The following DCDC1 variants were observed in gnomAD, a reference collection of about 807,000 sequenced individuals.
DCDC1 encodes the protein doublecortin domain containing 1, also known as doublecortin domain-containing protein 1.
In DCDC1, 200 loss-of-function variants were observed where a neutral mutation model predicts 178.3. The ratio of observed to expected loss-of-function variants is 1.12; its 90% CI spans 1.00 to 1.26. The LOEUF is 1.26. Among genes scored for constraint, DCDC1 ranks in the 50% most tolerant of loss-of-function variants. The pLI, the probability that DCDC1 is intolerant of heterozygous loss-of-function variation, is 0.00. For synonymous variants in DCDC1, 690 were observed against 604.8 expected, an observed-to-expected ratio of 1.14 and a Z score of -2.07; for missense variants, 1,983 against 1,749.2, an observed-to-expected ratio of 1.13 and a Z score of -2.38.
chr11:31,165,261 T>C (rs1184655978), intron 9 of DCDC1, among the ~76,000 whole-genome samples: 1 of 152,170 alleles, frequency 6.6e-6, no homozygotes, highest in African/African-American at 2.4e-5. Context: ...ATGTAAGCAA[T>C]TTCTTTGAGC....
At position 31,251,658 on chromosome 11, in the gene DCDC1, C is replaced by G. The variant is rs147539312; in HGVS notation, c.1055-10042G>C. On this transcript the variant is annotated intron_variant, in intron 8 of 38. Transcript: ENST00000684477. ...GAGACACTATAAATAGATTCTGTTT[C>G]TATGGATAACCCTAAGAAATACACC... 5.6e-4 allele frequency among the ~76,000 whole-genome samples: 85 copies of G among 152,000 alleles called. 1 individual carries two copies. The highest frequency in any genetic ancestry group is 1.8e-3 in the African/African-American group (74 of 41,442).
At chr11:30,894,052 AC>A (rs1944003584) in intron 35 of DCDC1, among the ~76,000 whole-genome samples, 195 bp downstream of exon 35, 1 of 152,112 alleles carries the variant, frequency 6.6e-6, no homozygotes, top group South Asian at 2.1e-4. Flanking sequence ...AACAAAACAG[AC>A]CCTCATATGA....
intron 9 of DCDC1, among the ~76,000 whole-genome samples, chr11:31,224,517 T>C (rs1170526702): frequency 6.6e-6 from 1 of 151,962 alleles, no homozygotes; most frequent in African/African-American, 2.4e-5. Context: ...AGGATCTAAT[T>C]AAACTAAAAA....
At position 31,094,077 on chromosome 11, in the gene DCDC1, A is replaced by G. The variant is rs1347372031; in HGVS notation, c.2091T>C (p.Pro697=). Residue 697 remains proline (P), a synonymous_variant, in exon 16 of 39, where the codon CCT becomes CCC. Transcript: ENST00000684477. ...RSQIAPSILW[P]VASVWLITKT... Reference sequence around the variant, plus strand: ...TGGTGATCAGCCACACACTGGCTACAGGCCACAGGATCGATGGCGCTATTT... The same window carrying G: ...TGGTGATCAGCCACACACTGGCTACGGGCCACAGGATCGATGGCGCTATTT... The G allele has an allele frequency of 1.3e-6, 1 of 766,278 alleles. No individual in the cohort carries two copies. The highest frequency in any genetic ancestry group is 2.4e-6 in the Non-Finnish European group (1 of 417,806). 47.5% of individuals were successfully genotyped at this position (766,278 alleles called of 1,614,324 possible).
chr11:30,935,005 T>A (rs1189219419), intron 21 of DCDC1, among the ~76,000 whole-genome samples: 2 of 152,100 alleles, frequency 1.3e-5, no homozygotes, highest in African/African-American at 4.8e-5. Context: ...CAAATCACCC[T>A]AGGGGGTAAA....
intron 22 of DCDC1, among the ~76,000 whole-genome samples, chr11:30,930,697 T>G (rs1187339535): frequency 2.6e-5 from 4 of 152,130 alleles, no homozygotes; most frequent in Non-Finnish European, 5.9e-5. Context: ...TGTATGTAAC[T>G]TTGAGCCACA....
At chr11:30,993,978 C>G (rs1417186282) in intron 20 of DCDC1, among the ~76,000 whole-genome samples, 1 of 152,098 alleles carries the variant, frequency 6.6e-6, no homozygotes, top group Non-Finnish European at 1.5e-5. Context: ...ATATTAAACC[C>G]AGCTAAAGCT....
At chr11:30,957,241 T>C (rs1013661354) in intron 20 of DCDC1, among the ~76,000 whole-genome samples, 4 of 152,242 alleles carry the variant, frequency 2.6e-5, no homozygotes, top group Admixed American at 2.0e-4. Flanking sequence ...CAATCTGACA[T>C]GGAAAAAAGA....
chr11:30,894,212 CAG>C (rs1944016881), intron 35 of DCDC1, 34 bp downstream of exon 35: 2 of 1,588,274 alleles, frequency 1.3e-6, no homozygotes, highest in Non-Finnish European at 1.7e-6. Flanking sequence ...ATAAAAAGGG[CAG>C]AGTCTTTAAT....
intron 20 of DCDC1, among the ~76,000 whole-genome samples, chr11:30,978,584 T>C (rs1166734569): frequency 6.6e-6 from 1 of 152,164 alleles, no homozygotes; most frequent in East Asian, 1.9e-4. Context: ...ATTTAGGATA[T>C]CCATTACCTC....
chr11:31,250,501 AC>A (rs1943947634), intron 8 of DCDC1, among the ~76,000 whole-genome samples: 1 of 145,146 alleles, frequency 6.9e-6, no homozygotes, highest in East Asian at 2.1e-4. Context: ...GTCACCCCCA[AC>A]CCCCCTAAAA....
chr11:31,187,775 C>T (rs1195907287), intron 9 of DCDC1, among the ~76,000 whole-genome samples: 1 of 152,110 alleles, frequency 6.6e-6, no homozygotes, highest in Non-Finnish European at 1.5e-5. Flanking sequence ...TCATTGTTTA[C>T]ACAGCTGAGG....
At chr11:31,150,850 T>A (rs1030742395) in intron 9 of DCDC1, among the ~76,000 whole-genome samples, 1 of 152,244 alleles carries the variant, frequency 6.6e-6, no homozygotes, top group African/African-American at 2.4e-5. Context: ...TCACCTTTGC[T>A]TTTAAAATTG....
chr11:30,896,130 T>G (rs952754102), intron 34 of DCDC1, among the ~76,000 whole-genome samples: 4 of 152,166 alleles, frequency 2.6e-5, no homozygotes, highest in African/African-American at 9.7e-5. Context: ...TGGGGAAAGG[T>G]TTTTATGATA....
At chr11:31,086,212 C>T (rs775196943) in intron 17 of DCDC1, among the ~76,000 whole-genome samples, 7 of 152,128 alleles carry the variant, frequency 4.6e-5, no homozygotes, top group Non-Finnish European at 8.8e-5. Context: ...TTTCCACCAA[C>T]GACTTATGAG....
intron 28 of DCDC1, 45 bp from the exon 29 acceptor site, chr11:30,909,161 G>C: frequency 1.3e-6 from 2 of 1,507,938 alleles, no homozygotes; most frequent in Non-Finnish European, 1.8e-6. Context: ...TTCATGTGAG[G>C]GTTATAGTGT....
chr11:31,261,444 C>T (rs1223819701), intron 8 of DCDC1, among the ~76,000 whole-genome samples: 1 of 151,990 alleles, frequency 6.6e-6, no homozygotes, highest in Non-Finnish European at 1.5e-5. Flanking sequence ...TATTGGGTTC[C>T]ACATCCCTGG....
intron 20 of DCDC1, among the ~76,000 whole-genome samples, chr11:30,965,288 C>A (rs1484204027): frequency 1.3e-5 from 2 of 152,162 alleles, no homozygotes; most frequent in Non-Finnish European, 2.9e-5. Flanking sequence ...CCAAAAATCA[C>A]CATGTCAGTA....
At chr11:31,191,021 T>C (rs1438275841) in intron 9 of DCDC1, among the ~76,000 whole-genome samples, 6 of 152,068 alleles carry the variant, frequency 3.9e-5, no homozygotes, top group Non-Finnish European at 8.8e-5. Context: ...CCTAGGTACA[T>C]CCTCCCATAT....
Sources: gnomAD v4.1 joint callset for allele counts (sites outside exome capture counted in the v4.1 genomes callset) on GRCh38, gnomAD v4.1.1 for gene constraint, MANE v1.5 for transcripts, NCBI Gene and HGNC (gene_info 2026-07-23, HGNC 2026-07-21) for gene names.